Variants in LYST observed in about 807,000 individuals in gnomAD.
LYST encodes the protein lysosomal trafficking regulator.
LYST carries 192 observed loss-of-function variants against 413.6 expected under a neutral mutation model. The ratio of observed to expected loss-of-function variants is 0.46; its 90% CI spans 0.41 to 0.52. The LOEUF (loss-of-function observed/expected upper bound fraction) is 0.52, where lower values mean the gene tolerates loss of function less well. Ranked by LOEUF, LYST falls within the 20% of genes least tolerant of loss-of-function variation. LYST has a pLI of 0.00. For synonymous variants in LYST, 1,525 were observed against 1,567.3 expected (o/e 0.97, Z 0.64); for missense variants, 3,815 against 4,499.9 (o/e 0.85, Z 4.35).
chr1:235,786,414 G>GA (rs1417145778), intron 14 of LYST, among the ~76,000 whole-genome samples: 1 of 152,184 alleles, frequency 6.6e-6, no homozygotes, highest in African/African-American at 2.4e-5. Flanking sequence ...TGCTGGAGAG[G>GA]ATGTGGAGAA....
rs368828427 is a variant in LYST at position 235,768,080 on chromosome 1, TTC to T, written c.5923-1805_5923-1804del. 2.2e-3 allele frequency among the ~76,000 whole-genome samples: 333 copies of T among 152,230 alleles called. 1 individual carries two copies. The highest frequency in any genetic ancestry group is 7.6e-3 in the African/African-American group (314 of 41,562). ...CAGTCCTCTGATTCTCTCACTACGT[TTC>T]TCTGTCTTGGAGTGCTTCTCTATCC... On this transcript the variant is annotated intron_variant, in intron 20 of 52. Transcript: ENST00000389793.
chr1:235,877,776 G>A (rs574523041), intron 1 of LYST, among the ~76,000 whole-genome samples: 3 of 147,964 alleles, frequency 2.0e-5, no homozygotes, highest in African/African-American at 5.0e-5. Flanking sequence ...GCTTAGCAGT[G>A]TAGATGTAGC....
chr1:235,787,367 G>T lies in LYST; in HGVS notation c.4695C>A (p.Cys1565Ter). 3 of 1,613,346 alleles carry T rather than the reference G, an allele frequency of 1.9e-6. No individual in the cohort carries two copies. Among genetic ancestry groups the T allele is most frequent in the Non-Finnish European group, 2.5e-6 (3 of 1,179,480 alleles). The change falls in exon 14 of 53, where the codon TGC (cysteine) becomes TGA (stop). Residue 1565 changes from cysteine to a stop codon, truncating the protein, a stop_gained. Transcript: ENST00000389793. LOFTEE classifies it high-confidence loss of function. ...CTTTCATGTCATCATTTGAATCCAT[G>T]CACACACTACAGAAAAAGAGAAAAG... ...PHNATLIFRV[C>*]MDSNDDMKAV...
chr1:235,692,584 G>A (rs6698958), intron 47 of LYST, among the ~76,000 whole-genome samples: 81,113 of 151,544 alleles, frequency 0.54, 23,562 homozygotes, highest in African/African-American at 0.72. Context: ...GGTTTTCCCC[G>A]TGTTGGCCAG....
chr1:235,847,557 T>G (rs2103080023), intron 1 of LYST, among the ~76,000 whole-genome samples: 1 of 152,114 alleles, frequency 6.6e-6, no homozygotes, highest in Admixed American at 6.5e-5. Flanking sequence ...ATTTCAATGC[T>G]AAAATTGAAT....
At chr1:235,728,028 T>G in intron 38 of LYST, 48 bp downstream of exon 38, 2 of 1,307,520 alleles carry the variant, frequency 1.5e-6, no homozygotes, top group Non-Finnish European at 2.2e-6. Context: ...GATACATTTT[T>G]GGAATCTGTC....
At chr1:235,846,760 C>T (rs1452421053) in intron 1 of LYST, among the ~76,000 whole-genome samples, 1 of 151,960 alleles carries the variant, frequency 6.6e-6, no homozygotes, top group East Asian at 1.9e-4. Context: ...TAGAACTAAA[C>T]AAGTAGAAGA....
At chr1:235,797,375 A>G (rs1671667849) in intron 10 of LYST, among the ~76,000 whole-genome samples, 1 of 152,206 alleles carries the variant, frequency 6.6e-6, no homozygotes, top group Admixed American at 6.5e-5. Context: ...GTCAACATCA[A>G]CAATTATAAA....
intron 10 of LYST, among the ~76,000 whole-genome samples, chr1:235,794,720 A>G (rs1671378727): frequency 1.3e-5 from 2 of 152,338 alleles, no homozygotes; most frequent in East Asian, 3.9e-4. Flanking sequence ...AAAATAGTAC[A>G]TACATCTGGA....
rs28450425 is a variant in LYST at position 235,769,968 on chromosome 1, G to A, written c.5922+192C>T. On this transcript the variant is annotated intron_variant, in intron 20 of 52. Coordinates refer to ENST00000389793, the MANE Select transcript of LYST (RefSeq NM_000081.4). Reference sequence around the variant, plus strand: ...TAATTGAGTTAGGAATTATGACAGCGTGATGATCAAGCTGTAAGATGCAGC... The same window carrying A: ...TAATTGAGTTAGGAATTATGACAGCATGATGATCAAGCTGTAAGATGCAGC... Among the ~76,000 whole-genome samples the A allele has an allele frequency of 0.027, 4,123 of 151,830 alleles. 168 individuals are homozygous for A. Among genetic ancestry groups the A allele is most frequent in the African/African-American group, 0.094 (3,889 of 41,388 alleles).
chr1:235,818,862 A>G (rs1674446948), intron 3 of LYST, among the ~76,000 whole-genome samples: 2 of 152,222 alleles, frequency 1.3e-5, no homozygotes, highest in African/African-American at 2.4e-5. Context: ...GACTCCTGGC[A>G]GAGCTCTGCA....
chr1:235,724,363 A>T (rs931376663), intron 38 of LYST, among the ~76,000 whole-genome samples, 183 bp from the exon 39 acceptor site: 2 of 151,972 alleles, frequency 1.3e-5, no homozygotes, highest in African/African-American at 2.4e-5. Context: ...ATTTAGAAAT[A>T]AAAAAAATAG....
chr1:235,829,475 CAACT>C (rs1392336833), intron 3 of LYST: 2 of 152,106 alleles, frequency 1.3e-5, no homozygotes, highest in African/African-American at 4.8e-5. Context: ...ATTATTTTTT[CAACT>C]AACTATATTA....
intron 50 of LYST, among the ~76,000 whole-genome samples, chr1:235,667,862 C>T (rs778890514): frequency 2.1e-4 from 32 of 152,166 alleles, no homozygotes; most frequent in Non-Finnish European, 3.2e-4. Context: ...TGGGGTTTCA[C>T]TGTGTTAGCC....
intron 19 of LYST, among the ~76,000 whole-genome samples, chr1:235,770,684 C>A (rs1350108245): frequency 6.6e-6 from 1 of 152,178 alleles, no homozygotes. Context: ...CAATACCAAT[C>A]TGCATATGCA....
chr1:235,802,806 G>T, intron 8 of LYST, 102 bp downstream of exon 8: 2 of 1,059,712 alleles, frequency 1.9e-6, no homozygotes, highest in Non-Finnish European at 2.9e-6. Context: ...TTGTTAAACT[G>T]TAAGGCAATA....
chr1:235,774,884 C>A (rs767580093), intron 18 of LYST, 29 bp downstream of exon 18: 1 of 1,487,034 alleles, frequency 6.7e-7, no homozygotes, highest in Non-Finnish European at 9.4e-7. Context: ...GCATATGAAA[C>A]TATAAGAATA....
chr1:235,676,987 T>C (rs374368879), intron 50 of LYST, 104 bp downstream of exon 50: 2 of 804,920 alleles, frequency 2.5e-6, no homozygotes, highest in African/African-American at 1.7e-5. Flanking sequence ...AGTATTTAGA[T>C]CTGGCAGGGA....
rs1673364861 is a variant in LYST, at chr1:235,810,628, A to G, written c.284-94T>C. The G allele has an allele frequency of 4.4e-6, 5 of 1,134,124 alleles. No individual in the cohort carries two copies. In the East Asian group the frequency reaches 1.2e-4, roughly 27 times the overall value. 70.3% of individuals were successfully genotyped at this position (1,134,124 alleles called of 1,614,324 possible). On this transcript the variant is annotated intron_variant, in intron 4 of 52. Coordinates refer to ENST00000389793, the MANE Select transcript of LYST (RefSeq NM_000081.4). ...CCCTCTTATTTATCTTAAACCCACT[A>G]AAGGAGTTTATCCTCAATGTATTTT...
Sources: gnomAD v4.1 joint callset for allele counts (sites outside exome capture counted in the v4.1 genomes callset) on GRCh38, gnomAD v4.1.1 for gene constraint, MANE v1.5 for transcripts, NCBI Gene and HGNC (gene_info 2026-07-23, HGNC 2026-07-21) for gene names.